The following GREB1L variants were observed in gnomAD, a reference collection of about 807,000 sequenced individuals.
GREB1L encodes the protein GREB1-like protein.
In GREB1L, 17 loss-of-function variants were observed where a neutral mutation model predicts 200.8. The observed-to-expected ratio is 0.08, with a 90% CI of 0.06 to 0.13. The LOEUF (loss-of-function observed/expected upper bound fraction) is 0.13, where lower values mean the gene tolerates loss of function less well. GREB1L is among the 10% of genes least tolerant of loss of function. The pLI is 1.00. For synonymous variants in GREB1L, 789 were observed against 893.0 expected (o/e 0.88, Z 2.08); for missense variants, 1,657 against 2,367.7 (o/e 0.70, Z 6.23).
chr18:21,496,372 T>G lies in GREB1L; in HGVS notation c.3147-82T>G, dbSNP rs1568059007. Reference sequence around the variant, plus strand: ...AACCTATGATTTTAACTGCTGTGTGTTGCATCCAGATCACCAGGCACACAT... The same window carrying G: ...AACCTATGATTTTAACTGCTGTGTGGTGCATCCAGATCACCAGGCACACAT... On this transcript the variant is annotated intron_variant, in intron 20 of 32. Transcript: ENST00000424526. 5 of 1,439,718 alleles carry G rather than the reference T, an allele frequency of 3.5e-6. No homozygotes were observed. The East Asian group carries it at 1.2e-4, about 36-fold the overall frequency. 89.2% of individuals were successfully genotyped at this position (1,439,718 alleles called of 1,614,324 possible).
chr18:21,444,686 TAAGGTAGGCAG>T (rs2034108418), intron 11 of GREB1L, among the ~76,000 whole-genome samples: 1 of 152,204 alleles, frequency 6.6e-6, no homozygotes. Context: ...CCAAAGTAGT[TAAGGTAGGCAG>T]AACCTTAAAG....
At chr18:21,514,723 C>G (rs751939264) in intron 28 of GREB1L, among the ~76,000 whole-genome samples, 26 of 152,152 alleles carry the variant, frequency 1.7e-4, no homozygotes, top group Non-Finnish European at 1.3e-4. Context: ...CAAGTGTGAG[C>G]CACCACACGC....
At chr18:21,391,455 G>A (rs749681836) in intron 4 of GREB1L, among the ~76,000 whole-genome samples, 1 of 152,238 alleles carries the variant, frequency 6.6e-6, no homozygotes, top group African/African-American at 2.4e-5. Flanking sequence ...TCGCCTCTTA[G>A]AATGCATCCA....
At chr18:21,322,770 G>A (rs552430101) in intron 1 of GREB1L, among the ~76,000 whole-genome samples, 2 of 152,222 alleles carry the variant, frequency 1.3e-5, no homozygotes, top group African/African-American at 2.4e-5. Context: ...ACCAGAGGGG[G>A]AAAGATACAT....
chr18:21,477,166 T>C lies in GREB1L; in HGVS notation c.2366T>C (p.Val789Ala). ...TATGACTTTCAATTTTTCTACAGTG[T>C]CATTTCAGGCTCTTTGTCACATAGC... is the stretch of plus-strand genomic sequence containing the variant. ...HDNSHVELTS[V>A]ISGSLSHSEP... Residue 789 changes from valine to alanine, a missense_variant and splice_region_variant, in exon 17 of 33, where the codon GTC becomes GCC. Coordinates refer to ENST00000424526, the MANE Select transcript of GREB1L (RefSeq NM_001142966.3). The C allele has an allele frequency of 6.5e-7, 1 of 1,548,878 alleles. No homozygotes were observed. Among genetic ancestry groups the C allele is most frequent in the Non-Finnish European group, 8.7e-7 (1 of 1,144,742 alleles).
At chr18:21,387,057 ACCAT>A (rs2040573279) in intron 4 of GREB1L, among the ~76,000 whole-genome samples, 1 of 152,208 alleles carries the variant, frequency 6.6e-6, no homozygotes. Flanking sequence ...GCTGGGGTTT[ACCAT>A]TCAGATGTAA....
At chr18:21,338,397 T>G (rs2039219716) in intron 1 of GREB1L, among the ~76,000 whole-genome samples, 1 of 152,260 alleles carries the variant, frequency 6.6e-6, no homozygotes, top group East Asian at 1.9e-4. Context: ...TCAGTAGTAA[T>G]TCCAAAGAGA....
chr18:21,329,969 T>TTTG (rs1555628418), intron 1 of GREB1L, among the ~76,000 whole-genome samples: 1 of 129,314 alleles, frequency 7.7e-6, no homozygotes, highest in African/African-American at 2.9e-5. Context: ...GTTTTTTTTT[T>TTTG]GGGGGGGGGG....
At chr18:21,455,319 AACACACACAC>A (rs10581600) in intron 15 of GREB1L, among the ~76,000 whole-genome samples, 2 of 150,748 alleles carry the variant, frequency 1.3e-5, no homozygotes, top group Admixed American at 6.6e-5. Flanking sequence ...AGCTGAGGAA[AACACACACAC>A]ACACACACAC....
intron 17 of GREB1L, among the ~76,000 whole-genome samples, chr18:21,484,600 T>C (rs1448047602): frequency 6.6e-6 from 1 of 152,156 alleles, no homozygotes; most frequent in Non-Finnish European, 1.5e-5. Context: ...GCGGATCACC[T>C]GAGTCCAGGA....
chr18:21,435,918 G>A (rs148126646), intron 7 of GREB1L, among the ~76,000 whole-genome samples: 4 of 152,254 alleles, frequency 2.6e-5, no homozygotes, highest in East Asian at 1.9e-4. Flanking sequence ...CATTTCAGTC[G>A]TCTCGGTGAC....
chr18:21,271,161 A>G (rs901643591), intron 1 of GREB1L, among the ~76,000 whole-genome samples: 1 of 152,232 alleles, frequency 6.6e-6, no homozygotes, highest in Non-Finnish European at 1.5e-5. Context: ...TTAACAGTAT[A>G]TAACAGACCT....
intron 15 of GREB1L, among the ~76,000 whole-genome samples, chr18:21,464,352 TAGTAGAGATAGTAAA>T (rs1474036476): frequency 6.6e-6 from 1 of 152,000 alleles, no homozygotes; most frequent in African/African-American, 2.4e-5. Context: ...CTACCATTTA[TAGTAGAGATAGTAAA>T]ACCACATCTC....
At chr18:21,253,977 C>T (rs2037757831) in intron 1 of GREB1L, among the ~76,000 whole-genome samples, 1 of 150,556 alleles carries the variant, frequency 6.6e-6, no homozygotes, top group South Asian at 2.1e-4. Context: ...GCTGGGACTA[C>T]AGGTGTGTAC....
At position 21,452,086 on chromosome 18, in the gene GREB1L, A is replaced by G. The variant is rs1443633502; in HGVS notation, c.1853A>G (p.Asp618Gly). 1.3e-6 allele frequency: 2 copies of G among 1,546,708 alleles called. No homozygotes were observed. Among genetic ancestry groups the G allele is most frequent in the Admixed American group, 2.0e-5 (1 of 50,596 alleles). The stretch of plus-strand genomic sequence containing the variant: ...TCTTATCTCTATTTTGTAATAGGCG[A>G]TGACCTAGACAAGCTGCTGGAAAAA... ...ASHFKTTSLG[D>G]DLDKLLEKMQ... The change falls in exon 14 of 33, where the codon GAT (aspartate) becomes GGT (glycine). Residue 618 changes from aspartate (D) to glycine (G), a missense_variant. Transcript: ENST00000424526.
chr18:21,364,045 G>T (rs1346912668), intron 1 of GREB1L, among the ~76,000 whole-genome samples: 1 of 151,938 alleles, frequency 6.6e-6, no homozygotes, highest in Non-Finnish European at 1.5e-5. Flanking sequence ...TAAAATTTTT[G>T]TTTTTTCTTT....
intron 1 of GREB1L, chr18:21,317,437 C>T (rs943658551): frequency 3.3e-5 from 5 of 151,198 alleles, no homozygotes; most frequent in African/African-American, 9.7e-5. Flanking sequence ...TGTGCCTCTA[C>T]AAAAAAAATA....
chr18:21,462,668 T>G (rs1219400109), intron 15 of GREB1L, among the ~76,000 whole-genome samples: 1 of 152,126 alleles, frequency 6.6e-6, no homozygotes, highest in Middle Eastern at 3.2e-3. Context: ...CAGGCTGGTC[T>G]CGAACCACTG....
intron 1 of GREB1L, among the ~76,000 whole-genome samples, chr18:21,298,447 C>T (rs753116335): frequency 4.6e-5 from 7 of 152,072 alleles, no homozygotes; most frequent in Non-Finnish European, 1.0e-4. Context: ...ATCTTATCTC[C>T]AAAAATACAT....
Sources: gnomAD v4.1 joint callset for allele counts (sites outside exome capture counted in the v4.1 genomes callset) on GRCh38, gnomAD v4.1.1 for gene constraint, MANE v1.5 for transcripts, NCBI Gene and HGNC (gene_info 2026-07-23, HGNC 2026-07-21) for gene names.